The following FAM186A variants were observed in gnomAD, a reference collection of about 807,000 sequenced individuals.
FAM186A encodes family with sequence similarity 186 member A, also known as protein FAM186A.
Under a neutral mutation model 216.8 loss-of-function variants are expected in FAM186A, and 163 were observed. The observed-to-expected ratio is 0.75, with a 90% CI of 0.66 to 0.86. FAM186A has a LOEUF of 0.86. Ranked by LOEUF, FAM186A falls within the 40% of genes least tolerant of loss-of-function variation. FAM186A has a pLI of 0.00. For synonymous variants in FAM186A, 805 were observed against 1,025.3 expected (o/e 0.79, Z 4.10); for missense variants, 2,184 against 2,746.2 (o/e 0.80, Z 4.58).
At chr12:50,341,262 G>A (rs968567617) in intron 4 of FAM186A, among the ~76,000 whole-genome samples, 9 of 152,142 alleles carry the variant, frequency 5.9e-5, no homozygotes, top group Non-Finnish European at 1.2e-4. Flanking sequence ...TATTACTGTA[G>A]TATTTTTCTC....
At chr12:50,395,662 T>C (rs1943405655) in intron 1 of FAM186A, among the ~76,000 whole-genome samples, 1 of 152,122 alleles carries the variant, frequency 6.6e-6, no homozygotes, top group African/African-American at 2.4e-5. Flanking sequence ...TAATTTCTCC[T>C]TGAAGTGTAC....
At chr12:50,378,618 GTA>G (rs58153912) in intron 1 of FAM186A, among the ~76,000 whole-genome samples, 1,756 of 137,644 alleles carry the variant, frequency 0.013, 42 homozygotes, top group African/African-American at 0.044. Flanking sequence ...TATGTAAATT[GTA>G]TATATATATA....
chr12:50,370,846 C>T (rs565672086), intron 1 of FAM186A, among the ~76,000 whole-genome samples: 9 of 152,032 alleles, frequency 5.9e-5, no homozygotes, highest in South Asian at 2.1e-4. Flanking sequence ...CCTGTAATCC[C>T]GGCACTTTGG....
intron 1 of FAM186A, among the ~76,000 whole-genome samples, chr12:50,364,748 T>C (rs949574276): frequency 1.3e-5 from 2 of 150,448 alleles, no homozygotes; most frequent in African/African-American, 4.9e-5. Context: ...AAAAATAAAA[T>C]TTTTTTTGGC....
rs1390977917 is a variant in FAM186A, at chr12:50,354,955, T to C, written c.1877A>G (p.Glu626Gly). 1 of 1,549,960 alleles carries C rather than the reference T, an allele frequency of 6.5e-7. No homozygotes were observed. The highest frequency in any genetic ancestry group is 8.7e-7 in the Non-Finnish European group (1 of 1,146,738). The part of the protein sequence containing the change: ...TITSKEEKTE[E>G]KEELTKQVKS... ...GACTTGTTTGGTCAACTCTTCCTTCTCTTCAGTTTTTTCTTCTTTGCTTGT... is the reference window on the plus strand; with the variant it reads ...GACTTGTTTGGTCAACTCTTCCTTCCCTTCAGTTTTTTCTTCTTTGCTTGT... The change falls in exon 4 of 8, where the codon GAG becomes GGG. Residue 626 changes from glutamate to glycine, a missense_variant. Glu to Gly is a moderately conservative substitution (Grantham distance 98). Coordinates refer to ENST00000327337, the MANE Select transcript of FAM186A (RefSeq NM_001145475.3).
At chr12:50,358,937 AG>A (rs200612129) in intron 3 of FAM186A, among the ~76,000 whole-genome samples, 4 of 150,594 alleles carry the variant, frequency 2.7e-5, no homozygotes. Context: ...AAAAAAAAAA[AG>A]TTAAAACTCA....
In FAM186A at chr12:50,355,854, T is replaced by C. The variant is rs1444977427; in HGVS notation, c.978A>G (p.Lys326=). ...TTTTGGATCGAATAAGTTGTTCACA[T>C]TTTTCTTCTGCATCTTGAAGTTTCT... ...LQQKLQDAEE[K]CEQLIRSKIV... Residue 326 remains lysine (K), a synonymous_variant, in exon 4 of 8, where the codon AAA becomes AAG. Coordinates refer to ENST00000327337, the MANE Select transcript of FAM186A (RefSeq NM_001145475.3). 5 of 1,551,150 alleles carry C rather than the reference T, an allele frequency of 3.2e-6. No homozygotes were observed. The highest frequency in any genetic ancestry group is 4.4e-6 in the Non-Finnish European group (5 of 1,146,954).
intron 2 of FAM186A, among the ~76,000 whole-genome samples, chr12:50,362,298 A>G (rs1478517226): frequency 6.6e-6 from 1 of 152,084 alleles, no homozygotes; most frequent in African/African-American, 2.4e-5. Context: ...TCATTCAACC[A>G]GTGTCTACTC....
intron 4 of FAM186A, among the ~76,000 whole-genome samples, chr12:50,343,522 C>A (rs180983756): frequency 6.6e-6 from 1 of 152,166 alleles, no homozygotes. Flanking sequence ...TTGCAACCTC[C>A]GTCTCCCGGG....
In FAM186A at chr12:50,350,366, G is replaced by A. The variant is rs192451858; in HGVS notation, c.6466C>T (p.Arg2156Cys). 1.2e-4 allele frequency: 189 copies of A among 1,550,484 alleles called. 2 individuals are homozygous for A. The African/African-American group carries it at 1.3e-3, about 11-fold the overall frequency. Reference sequence around the variant, plus strand: ...ATCAGCCTATAGGCAATGTACTTGCGGAATAAGTATCCCAACTGAACTGTG... The same window carrying A: ...ATCAGCCTATAGGCAATGTACTTGCAGAATAAGTATCCCAACTGAACTGTG... Reference protein sequence around the residue: ...MDTVQLGYLFRKYIAYRLIQH... With the variant: ...MDTVQLGYLFCKYIAYRLIQH... The change falls in exon 4 of 8, where the codon CGC (arginine) becomes TGC (cysteine). Residue 2156 changes from arginine to cysteine, a missense_variant. Coordinates refer to ENST00000327337, the MANE Select transcript of FAM186A (RefSeq NM_001145475.3).
chr12:50,385,708 C>A (rs537283202), intron 1 of FAM186A, among the ~76,000 whole-genome samples: 17 of 151,522 alleles, frequency 1.1e-4, no homozygotes, highest in African/African-American at 3.6e-4. Context: ...CTAGACCATC[C>A]GGGCTAACAT....
chr12:50,390,706 T>C (rs1212930360), intron 1 of FAM186A, among the ~76,000 whole-genome samples: 1 of 152,172 alleles, frequency 6.6e-6, no homozygotes, highest in Non-Finnish European at 1.5e-5. Flanking sequence ...GTCTGAACTC[T>C]AGAGAAGAGT....
At chr12:50,343,803 A>G (rs1942786776) in intron 4 of FAM186A, among the ~76,000 whole-genome samples, 1 of 152,064 alleles carries the variant, frequency 6.6e-6, no homozygotes, top group Non-Finnish European at 1.5e-5. Flanking sequence ...TATTTTTAGT[A>G]GAGACGGGGT....
chr12:50,380,473 C>T (rs10876029), intron 1 of FAM186A, among the ~76,000 whole-genome samples: 140,467 of 146,072 alleles, frequency 0.96, 67,748 homozygotes, highest in East Asian at 1. Context: ...GTCAGGAGTT[C>T]GAGACCGGCC....
Position 50,354,604 on chromosome 12 carries a change from T to G in FAM186A, c.2228A>C (p.Glu743Ala). Residue 743 changes from glutamate to alanine, a missense_variant, in exon 4 of 8, where the codon GAA becomes GCA. Physicochemically the swap from Glu to Ala is moderately radical, Grantham distance 107. Coordinates refer to ENST00000327337, the MANE Select transcript of FAM186A (RefSeq NM_001145475.3). Reference protein sequence around the residue: ...LRKYKDTKKEEQVGEKPIKQK... With the variant: ...LRKYKDTKKEAQVGEKPIKQK... ...TTTTATAGGTTTCTCTCCAACTTGT[T>G]CTTCCTTTTTTGTATCTTTGTATTT... The G allele has an allele frequency of 6.5e-7, 1 of 1,548,502 alleles. No homozygotes were observed. Among genetic ancestry groups the G allele is most frequent in the Non-Finnish European group, 8.7e-7 (1 of 1,146,312 alleles).
chr12:50,373,055 GAAAGAA>G (rs1943163041), intron 1 of FAM186A, among the ~76,000 whole-genome samples: 1 of 147,546 alleles, frequency 6.8e-6, no homozygotes, highest in Non-Finnish European at 1.5e-5. Context: ...AAGAAAGAAA[GAAAGAA>G]AGAAAGAAAG....
chr12:50,374,156 TG>T (rs1943175531), intron 1 of FAM186A, among the ~76,000 whole-genome samples: 1 of 66,042 alleles, frequency 1.5e-5, no homozygotes, highest in South Asian at 6.0e-4. Flanking sequence ...TGTTGTGGGG[TG>T]GGGGGAGGGG....
In FAM186A at chr12:50,355,934, C is replaced by T. The variant is rs1327414269; in HGVS notation, c.898G>A (p.Glu300Lys). Residue 300 changes from glutamate (E) to lysine (K), a missense_variant, in exon 4 of 8, where the codon GAG becomes AAG. Transcript: ENST00000327337. ...TCTCGTATTATCTTCAGAGAGAGCTCCTTTTCTGCTTCACTTGTCTCATGT... is the reference window on the plus strand; with the variant it reads ...TCTCGTATTATCTTCAGAGAGAGCTTCTTTTCTGCTTCACTTGTCTCATGT... The part of the protein sequence containing the change: ...YAHETSEAEK[E>K]LSLKIIRDLS... 5 of 1,551,342 alleles carry T rather than the reference C, an allele frequency of 3.2e-6. No individual in the cohort carries two copies. In the Admixed American group the frequency reaches 5.9e-5, roughly 18 times the overall value.
At chr12:50,375,068 C>T (rs1006484251) in intron 1 of FAM186A, among the ~76,000 whole-genome samples, 5 of 152,024 alleles carry the variant, frequency 3.3e-5, no homozygotes, top group Admixed American at 1.3e-4. Flanking sequence ...GTCCCATCTA[C>T]CTGGGAGGCT....
Sources: allele counts gnomAD v4.1 joint callset (sites outside exome capture counted in the v4.1 genomes callset), GRCh38; gene constraint gnomAD v4.1.1; transcripts MANE v1.5; gene names NCBI Gene and HGNC (gene_info 2026-07-23, HGNC 2026-07-21).